CORIN: variants seen among roughly 807,000 people sequenced by gnomAD.
The protein encoded by CORIN is atrial natriuretic peptide-converting enzyme.
Under a neutral mutation model 125.3 loss-of-function variants are expected in CORIN, and 117 were observed. The ratio of observed to expected loss-of-function variants is 0.93; its 90% CI spans 0.80 to 1.09. The LOEUF (loss-of-function observed/expected upper bound fraction) is 1.09, where lower values mean the gene tolerates loss of function less well. CORIN is among the 50% of genes least tolerant of loss of function. The pLI is 0.00. For synonymous variants in CORIN, 450 were observed against 466.4 expected (o/e 0.96, Z 0.45); for missense variants, 1,253 against 1,306.7 (o/e 0.96, Z 0.63).
chr4:47,823,103 G>A (rs73238638), intron 1 of CORIN, among the ~76,000 whole-genome samples: 8,035 of 152,138 alleles, frequency 0.053, 464 homozygotes, highest in East Asian at 0.31. Context: ...GTGAGCCACC[G>A]TACCCGGCCC....
chr4:47,749,075 A>G (rs1728785610), intron 4 of CORIN, among the ~76,000 whole-genome samples: 1 of 152,154 alleles, frequency 6.6e-6, no homozygotes, highest in Non-Finnish European at 1.5e-5. Context: ...ACTAATCTTT[A>G]AATATTATTA....
chr4:47,652,523 C>T (rs1164841747), intron 13 of CORIN: 1 of 152,194 alleles, frequency 6.6e-6, no homozygotes, highest in Non-Finnish European at 1.5e-5. Context: ...GATAGATCTT[C>T]AATCATTTTG....
chr4:47,650,371 C>T (rs1385454530), intron 13 of CORIN, among the ~76,000 whole-genome samples: 1 of 152,164 alleles, frequency 6.6e-6, no homozygotes, highest in Non-Finnish European at 1.5e-5. Context: ...TTTTGACAGT[C>T]GATATAAAGC....
At chr4:47,641,821 G>C (rs1055172238) in intron 16 of CORIN, 99 bp downstream of exon 16, 14 of 1,406,906 alleles carry the variant, frequency 1.0e-5, no homozygotes, top group Non-Finnish European at 1.3e-5. Context: ...CTCTTTGTTT[G>C]AGAGCACTAA....
At chr4:47,618,683 G>A (rs1048368018) in intron 19 of CORIN, among the ~76,000 whole-genome samples, 5 of 151,990 alleles carry the variant, frequency 3.3e-5, no homozygotes, top group African/African-American at 1.2e-4. Context: ...GCCGGGCATG[G>A]TGGTGGGCAC....
At chr4:47,812,486 C>G (rs1450332804) in intron 1 of CORIN, among the ~76,000 whole-genome samples, 1 of 152,066 alleles carries the variant, frequency 6.6e-6, no homozygotes, top group African/African-American at 2.4e-5. Context: ...GCCTGGGAGA[C>G]AGAACGAGAC....
At chr4:47,785,909 C>CAAAAAAAAA (rs11313881) in intron 3 of CORIN, among the ~76,000 whole-genome samples, 1 of 80,494 alleles carries the variant, frequency 1.2e-5, no homozygotes, top group African/African-American at 5.2e-5. Context: ...GACTCCATCT[C>CAAAAAAAAA]AAAAAAAAAA....
intron 12 of CORIN, among the ~76,000 whole-genome samples, chr4:47,657,405 A>G (rs1460030517): frequency 6.6e-6 from 1 of 151,734 alleles, no homozygotes; most frequent in Non-Finnish European, 1.5e-5. Context: ...CATGATGGCG[A>G]GCACCTATAG....
intron 6 of CORIN, among the ~76,000 whole-genome samples, chr4:47,689,329 A>G (rs1039085336): frequency 6.6e-6 from 1 of 152,186 alleles, no homozygotes; most frequent in African/African-American, 2.4e-5. Flanking sequence ...TTTCCATTGT[A>G]CTACTGAAGA....
chr4:47,809,794 G>A (rs1731981862), intron 1 of CORIN, among the ~76,000 whole-genome samples: 1 of 152,148 alleles, frequency 6.6e-6, no homozygotes, highest in African/African-American at 2.4e-5. Flanking sequence ...TGAATAACTT[G>A]CATAACTTTC....
chr4:47,772,113 A>AGATAGG (rs1730069155), intron 3 of CORIN, among the ~76,000 whole-genome samples: 4 of 151,332 alleles, frequency 2.6e-5, no homozygotes, highest in African/African-American at 9.8e-5. Context: ...AGATAGATAG[A>AGATAGG]TAGGTAGATA....
At chr4:47,644,375 C>G (rs188416549) in intron 14 of CORIN, among the ~76,000 whole-genome samples, 1 of 152,278 alleles carries the variant, frequency 6.6e-6, no homozygotes, top group East Asian at 1.9e-4. Flanking sequence ...CTGCATACAG[C>G]CTCAAGAGTC....
intron 16 of CORIN, among the ~76,000 whole-genome samples, chr4:47,638,445 T>C (rs7665081): frequency 0.26 from 39,855 of 152,076 alleles, 5,465 homozygotes; most frequent in Admixed American, 0.36. Flanking sequence ...AATTGTAACT[T>C]CCATAATTCC....
rs1468338443 is a variant in CORIN at position 47,623,749 on chromosome 4, C to T, written c.2366-4G>A. Reference sequence around the variant, plus strand: ...GCAGCAGGGCGGCGCCCACAGTCTACCAAGGAGCAGAAGACACAGTTTGTG... The same window carrying T: ...GCAGCAGGGCGGCGCCCACAGTCTATCAAGGAGCAGAAGACACAGTTTGTG... On this transcript the variant is annotated splice_region_variant and splice_polypyrimidine_tract_variant and intron_variant, in intron 18 of 21. Transcript: ENST00000273857. The T allele has an allele frequency of 6.2e-7, 1 of 1,614,098 alleles. No individual in the cohort carries two copies. The highest frequency in any genetic ancestry group is 1.7e-4 in the Middle Eastern group (1 of 6,058).
intron 12 of CORIN, among the ~76,000 whole-genome samples, chr4:47,659,868 C>T (rs567160392): frequency 1.3e-5 from 2 of 152,122 alleles, no homozygotes; most frequent in Non-Finnish European, 2.9e-5. Flanking sequence ...TATGGAATCA[C>T]AAAAGACTCA....
At position 47,623,672 on chromosome 4, in the gene CORIN, C is replaced by A. The variant is rs1722429870; in HGVS notation, c.2439G>T (p.Trp813Cys). ...CACTCTGCAGAGAACACTGCCATGG[C>A]CACCTTCCAGGGCGACTCGTCCGAC... ...LGGRTSRPGR[W>C]PWQCSLQSEP... The change falls in exon 19 of 22, where the codon TGG becomes TGT. Residue 813 changes from tryptophan to cysteine, a missense_variant. Physicochemically the swap from Trp to Cys is radical, Grantham distance 215 (BLOSUM62 -2). Transcript: ENST00000273857. The A allele has an allele frequency of 1.9e-6, 3 of 1,614,092 alleles. No individual in the cohort carries two copies. Among genetic ancestry groups the A allele is most frequent in the South Asian group, 2.2e-5 (2 of 91,088 alleles).
chr4:47,676,956 C>A (rs139783805), intron 9 of CORIN, among the ~76,000 whole-genome samples: 103 of 152,324 alleles, frequency 6.8e-4, no homozygotes, highest in Admixed American at 1.3e-3. Context: ...TGTAATAAGT[C>A]TGTGACTGAA....
At chr4:47,835,699 A>G (rs1425332182) in intron 1 of CORIN, among the ~76,000 whole-genome samples, 1 of 152,172 alleles carries the variant, frequency 6.6e-6, no homozygotes, top group African/African-American at 2.4e-5. Context: ...ACATGAAGCT[A>G]TGGTGGAGAA....
chr4:47,653,286 A>T (rs1172183795), intron 13 of CORIN, among the ~76,000 whole-genome samples: 1 of 152,154 alleles, frequency 6.6e-6, no homozygotes, highest in East Asian at 1.9e-4. Context: ...TCAGGTATCC[A>T]CTGGGGGTCC....
Sources: allele counts gnomAD v4.1 joint callset (sites outside exome capture counted in the v4.1 genomes callset), GRCh38; gene constraint gnomAD v4.1.1; transcripts MANE v1.5; gene names NCBI Gene and HGNC (gene_info 2026-07-23, HGNC 2026-07-21).